TPTE2: variants seen among roughly 807,000 people sequenced by gnomAD.
TPTE2 encodes phosphatidylinositol 3,4,5-trisphosphate 3-phosphatase TPTE2.
Under a neutral mutation model 78.6 loss-of-function variants are expected in TPTE2, and 53 were observed. The ratio of observed to expected loss-of-function variants is 0.67; its 90% CI spans 0.54 to 0.85. The LOEUF (loss-of-function observed/expected upper bound fraction) is 0.85. Among genes scored for constraint, TPTE2 ranks in the 40% least tolerant of loss-of-function variants. The probability of loss-of-function intolerance (pLI) is 0.00; values close to 1 mark genes in which losing one functional copy is unlikely to be tolerated. For missense variants in TPTE2, 461 were observed against 623.0 expected, an observed-to-expected ratio of 0.74 and a Z score of 2.77; for synonymous variants, 175 against 206.2, an observed-to-expected ratio of 0.85 and a Z score of 1.30.
intron 3 of TPTE2, among the ~76,000 whole-genome samples, chr13:19,488,583 T>C (rs1049024662): frequency 6.6e-6 from 1 of 152,254 alleles, no homozygotes; most frequent in Non-Finnish European, 1.5e-5. Context: ...TTAAACCTCA[T>C]GAACCAAGCT....
At chr13:19,444,306 C>CAAAAAAAAAAA (rs538483322) in intron 13 of TPTE2, among the ~76,000 whole-genome samples, 1 of 39,772 alleles carries the variant, frequency 2.5e-5, no homozygotes, top group African/African-American at 8.6e-5. Context: ...GACTCTGCCA[C>CAAAAAAAAAAA]AAAAAAAAAA....
the TPTE2 span, among the ~76,000 whole-genome samples, chr13:19,557,646 G>T: frequency 1.3e-5 from 2 of 152,294 alleles, no homozygotes; most frequent in South Asian, 4.1e-4. Flanking sequence ...CGCCTTCCCA[G>T]TTTGGGGGGA....
chr13:19,528,995 T>C (rs1870697340), intron 1 of TPTE2, among the ~76,000 whole-genome samples: 1 of 152,136 alleles, frequency 6.6e-6, no homozygotes, highest in African/African-American at 2.4e-5. Context: ...GGCATGTGCC[T>C]ATAGTTCCAG....
intron 1 of TPTE2, among the ~76,000 whole-genome samples, chr13:19,518,630 C>T (rs1278358279): frequency 6.6e-6 from 1 of 152,122 alleles, no homozygotes; most frequent in East Asian, 1.9e-4. Context: ...GAAACTGAAA[C>T]TCTCATACAA....
chr13:19,511,843 G>A (rs1281901881), intron 1 of TPTE2, among the ~76,000 whole-genome samples: 1 of 147,542 alleles, frequency 6.8e-6, no homozygotes, highest in Non-Finnish European at 1.5e-5. Flanking sequence ...ATTAAACACA[G>A]AAAAACCACT....
intron 18 of TPTE2, 122 bp downstream of exon 21, chr13:19,426,303 A>G: frequency 1.4e-6 from 1 of 723,416 alleles, no homozygotes; most frequent in Non-Finnish European, 2.5e-6. Flanking sequence ...TTTGTTATAG[A>G]TCTGATTTAT....
chr13:19,443,536 G>A (rs528210418), intron 13 of TPTE2, among the ~76,000 whole-genome samples: 1 of 151,840 alleles, frequency 6.6e-6, no homozygotes, highest in South Asian at 2.1e-4. Context: ...CGGAGTAGCT[G>A]GCATTACAGG....
In TPTE2 at chr13:19,432,352, G is replaced by A. The variant is rs200812389; in HGVS notation, c.1222+121C>T. 637 of 85,800 alleles carry A rather than the reference G, an allele frequency of 7.4e-3. 69 individuals carry two copies. The highest frequency in any genetic ancestry group is 0.03 in the Admixed American group (81 of 2,744). 5.3% of individuals were successfully genotyped at this position (85,800 alleles called of 1,614,324 possible). On this transcript the variant is annotated intron_variant, in intron 16 of 19. Transcript: ENST00000400230. ...AAATAAGGAGGAGTTCCTGTGTGAG[G>A]ATATGTAAAAAGACAGGTATGAGTT... is the stretch of plus-strand genomic sequence containing the variant.
chr13:19,550,759 TCAATAC>T, the TPTE2 span, among the ~76,000 whole-genome samples: 1 of 152,166 alleles, frequency 6.6e-6, no homozygotes, highest in Non-Finnish European at 1.5e-5. Context: ...TTATTATACC[TCAATAC>T]TGTTCTTTTT....
chr13:19,441,543 T>C (rs1483953481), intron 13 of TPTE2, among the ~76,000 whole-genome samples: 8 of 152,210 alleles, frequency 5.3e-5, no homozygotes, highest in Non-Finnish European at 1.2e-4. Context: ...TCATATTCAT[T>C]GATTAAAGAA....
At chr13:19,493,106 T>G (rs958138408) in intron 2 of TPTE2, among the ~76,000 whole-genome samples, 8 of 152,096 alleles carry the variant, frequency 5.3e-5, no homozygotes, top group African/African-American at 1.9e-4. Flanking sequence ...CTGCTCCTTT[T>G]TATACAACTC....
chr13:19,560,402 C>T, the TPTE2 span: 1 of 1,609,142 alleles, frequency 6.2e-7, no homozygotes, highest in South Asian at 1.1e-5. Context: ...CGTGCCCCCT[C>T]TTCATCCAGG....
intron 1 of TPTE2, among the ~76,000 whole-genome samples, chr13:19,513,153 T>A: frequency 6.6e-6 from 1 of 152,328 alleles, no homozygotes; most frequent in African/African-American, 2.4e-5. Context: ...GTTATAAAAG[T>A]ACCAATTATA....
chr13:19,427,236 C>T (rs533722874), intron 17 of TPTE2, among the ~76,000 whole-genome samples: 2 of 151,726 alleles, frequency 1.3e-5, no homozygotes, highest in Non-Finnish European at 2.9e-5. Context: ...AGGCACGTGC[C>T]ACCATGCCCA....
chr13:19,431,324 C>T (rs1203436493), intron 16 of TPTE2, among the ~76,000 whole-genome samples: 1 of 151,894 alleles, frequency 6.6e-6, no homozygotes, highest in Non-Finnish European at 1.5e-5. Context: ...TAGTTATATC[C>T]AAAAATTCCT....
chr13:19,455,264 G>A (rs1326100237), intron 10 of TPTE2, among the ~76,000 whole-genome samples: 1 of 152,156 alleles, frequency 6.6e-6, no homozygotes, highest in Non-Finnish European at 1.5e-5. Flanking sequence ...TATTTCTTGT[G>A]AACTATCTGC....
At position 19,447,541 on chromosome 13, in the gene TPTE2, A is replaced by G. The variant is rs1465735287; in HGVS notation, c.973+2535T>C. On this transcript the variant is annotated intron_variant, in intron 13 of 19. Transcript: ENST00000400230. ...CTGTAGAGCTAAACACAGAACCTGT[A>G]TATGAACTAATATACAGCTAAACAC... Among the ~76,000 whole-genome samples, 8 of 152,280 alleles carry G rather than the reference A, an allele frequency of 5.3e-5. No homozygotes were observed. The East Asian group carries it at 7.7e-4, about 15-fold the overall frequency.
chr13:19,538,881 G>C (rs970749738), upstream of TPTE2, among the ~76,000 whole-genome samples: 1 of 152,166 alleles, frequency 6.6e-6, no homozygotes, highest in Non-Finnish European at 1.5e-5. Context: ...TGGATTTTTT[G>C]TATGTATGGT....
At chr13:19,538,611 CT>C (rs1253591186), upstream of TPTE2, among the ~76,000 whole-genome samples, 1 of 151,952 alleles carries the variant, frequency 6.6e-6, no homozygotes, top group Non-Finnish European at 1.5e-5. Flanking sequence ...TCACTGCAAC[CT>C]CCACCTCCCA....
Sources: gnomAD v4.1 joint callset for allele counts (sites outside exome capture counted in the v4.1 genomes callset) on GRCh38, gnomAD v4.1.1 for gene constraint, MANE v1.5 for transcripts, NCBI Gene and HGNC (gene_info 2026-07-23, HGNC 2026-07-21) for gene names.